MRC1: variants seen among roughly 807,000 people sequenced by gnomAD.
MRC1 encodes mannose receptor C-type 1.
MRC1 carries 62 observed loss-of-function variants against 102.9 expected under a neutral mutation model. The ratio of observed to expected loss-of-function variants is 0.60; its 90% confidence interval spans 0.49 to 0.74. The LOEUF (loss-of-function observed/expected upper bound fraction) is 0.74. Among genes scored for constraint, MRC1 ranks in the 30% least tolerant of loss-of-function variants. MRC1 has a pLI of 0.00. For synonymous variants in MRC1, 457 were observed against 298.4 expected (o/e 1.53, Z -5.48); for missense variants, 1,237 against 862.8 (o/e 1.43, Z -5.43).
intron 3 of MRC1, among the ~76,000 whole-genome samples, chr10:17,831,148 A>G (rs909060088): frequency 2.7e-5 from 4 of 150,224 alleles, no homozygotes; most frequent in African/African-American, 7.5e-5. Flanking sequence ...CGCCCACCTC[A>G]GACTCCAAAG....
chr10:17,825,073 TA>T (rs1468628646), intron 2 of MRC1, among the ~76,000 whole-genome samples: 3,961 of 152,168 alleles, frequency 0.026, 134 homozygotes, highest in East Asian at 0.18. Context: ...ACATTTTGCA[TA>T]CTCCCCAAAG....
chr10:17,845,138 A>G, intron 5 of MRC1, 151 bp from the exon 6 acceptor site: 1 of 779,340 alleles, frequency 1.3e-6, no homozygotes, highest in Non-Finnish European at 2.4e-6. Context: ...TTTGCTCTGC[A>G]GTCAGTAAAT....
chr10:17,866,720 G>T lies in MRC1; in HGVS notation c.1942G>T (p.Glu648Ter), dbSNP rs1487991468. The change falls in exon 12 of 30, where the codon GAG (glutamate) becomes TAG (stop). Residue 648 changes from glutamate (E) to a stop codon, truncating the protein, a stop_gained. Transcript: ENST00000569591. LOFTEE classifies it high-confidence loss of function. ...GACGACTCCCGAACCCAAATGTCCGGAGGATTGGGGCGCCAGCAGTAGAAC... is the reference window on the plus strand; with the variant it reads ...GACGACTCCCGAACCCAAATGTCCGTAGGATTGGGGCGCCAGCAGTAGAAC... ...PTTTPEPKCP[E>*]DWGASSRTSL... The T allele has an allele frequency of 1.3e-6, 1 of 780,736 alleles. No homozygotes were observed. Among genetic ancestry groups the T allele is most frequent in the Non-Finnish European group, 2.4e-6 (1 of 417,974 alleles). 48.4% of individuals were successfully genotyped at this position (780,736 alleles called of 1,614,324 possible). A position where few individuals can be genotyped will look rare whatever the true frequency, so the allele number is the denominator to read the frequency against.
At chr10:17,872,433 G>A (rs1426704221) in intron 15 of MRC1, among the ~76,000 whole-genome samples, 2 of 152,172 alleles carry the variant, frequency 1.3e-5, no homozygotes, top group African/African-American at 2.4e-5. Flanking sequence ...GTCCTATGCT[G>A]TCAACAGAAT....
intron 5 of MRC1, among the ~76,000 whole-genome samples, chr10:17,841,909 AT>A (rs1470130101): frequency 6.6e-6 from 1 of 152,130 alleles, no homozygotes; most frequent in Non-Finnish European, 1.5e-5. Flanking sequence ...TTTTAAAGCC[AT>A]TGAGTGGTTT....
chr10:17,895,280 C>A (rs1283867862), intron 23 of MRC1, among the ~76,000 whole-genome samples: 1 of 151,170 alleles, frequency 6.6e-6, no homozygotes, highest in Non-Finnish European at 1.5e-5. Flanking sequence ...TGCATAGCAA[C>A]AGGTTTGATT....
intron 9 of MRC1, among the ~76,000 whole-genome samples, chr10:17,859,827 A>G (rs1833155403): frequency 6.6e-6 from 1 of 152,206 alleles, no homozygotes; most frequent in Non-Finnish European, 1.5e-5. Context: ...TGGATAGCAT[A>G]AACTTGGAAC....
At chr10:17,838,810 C>T (rs1157041702) in intron 4 of MRC1, among the ~76,000 whole-genome samples, 1 of 151,724 alleles carries the variant, frequency 6.6e-6, no homozygotes, top group Admixed American at 6.6e-5. Context: ...CCCAACTGTA[C>T]AAAAAAAATT....
chr10:17,841,480 G>T (rs1390178920), intron 5 of MRC1, among the ~76,000 whole-genome samples: 5 of 152,164 alleles, frequency 3.3e-5, no homozygotes, highest in Non-Finnish European at 5.9e-5. Context: ...GAAAAACAGA[G>T]TTGGGGATGA....
At chr10:17,879,860 G>A in intron 19 of MRC1, 39 bp downstream of exon 19, 3 of 780,746 alleles carry the variant, frequency 3.8e-6, no homozygotes, top group Non-Finnish European at 7.2e-6. Context: ...TTTGTGGCGT[G>A]GCGTGTCATT....
intron 2 of MRC1, 133 bp from the exon 3 acceptor site, chr10:17,827,409 A>AAAAAAAAAACAC: frequency 3.4e-6 from 1 of 295,596 alleles, no homozygotes; most frequent in South Asian, 4.6e-5. Context: ...AAAAAAAAAA[A>AAAAAAAAAACAC]AGAAATCCCT....
intron 3 of MRC1, among the ~76,000 whole-genome samples, chr10:17,833,074 T>C (rs1838604017): frequency 7.5e-6 from 1 of 133,054 alleles, no homozygotes; most frequent in African/African-American, 2.8e-5. Flanking sequence ...TTTGTCTCAC[T>C]TCCCAACTCA....
At chr10:17,903,807 T>C (rs1035364188) in intron 26 of MRC1, among the ~76,000 whole-genome samples, 5 of 152,094 alleles carry the variant, frequency 3.3e-5, no homozygotes, top group African/African-American at 9.7e-5. Flanking sequence ...TAGTTCAAAA[T>C]TAGCCAAGCA....
At chr10:17,881,913 T>G (rs1348451553) in intron 21 of MRC1, among the ~76,000 whole-genome samples, 5 of 133,600 alleles carry the variant, frequency 3.7e-5, no homozygotes, top group African/African-American at 1.4e-4. Flanking sequence ...TAAACTCCCA[T>G]CTCAGCCTCC....
At chr10:17,893,004 A>C (rs1833701768) in intron 22 of MRC1, among the ~76,000 whole-genome samples, 1 of 115,056 alleles carries the variant, frequency 8.7e-6, no homozygotes, top group Non-Finnish European at 1.9e-5. Flanking sequence ...GCGAGACTCC[A>C]TCTAGGAAAA....
At position 17,885,314 on chromosome 10, in the gene MRC1, C is replaced by G. The variant is rs1385448175; in HGVS notation, c.3026C>G (p.Thr1009Ser). 6.4e-6 allele frequency: 5 copies of G among 780,776 alleles called. No homozygotes were observed. In the African/African-American group the frequency reaches 6.8e-5, roughly 11 times the overall value. The allele number at this position is 780,776 out of a possible 1,614,324, so 48.4% of individuals were successfully genotyped here. The change falls in exon 22 of 30, where the codon ACT becomes AGT. Residue 1009 changes from threonine (T) to serine (S), a missense_variant. Transcript: ENST00000569591. ...HMKDSTFSAWTGLNDVNSEHT... is the reference protein window; with the variant it reads ...HMKDSTFSAWSGLNDVNSEHT... ...AAGGACTCCACTTTCAGTGCCTGGA[C>G]TGGGCTGAATGATGTCAATTCAGAA...
chr10:17,907,561 C>T lies in MRC1; in HGVS notation c.3941C>T (p.Pro1314Leu), dbSNP rs1423749859. The change falls in exon 28 of 30, where the codon CCG becomes CTG. Residue 1314 changes from proline to leucine, a missense_variant. Coordinates refer to ENST00000569591, the MANE Select transcript of MRC1 (RefSeq NM_002438.4). ...ACGTGGCTGTGGATAAATAACAGTC[C>T]GGTCTCCTTTGTCAACTGGAACACA... The part of the protein sequence containing the change: ...EGTWLWINNS[P>L]VSFVNWNTGD... 5 of 780,636 alleles carry T rather than the reference C, an allele frequency of 6.4e-6. No homozygotes were observed. The highest frequency in any genetic ancestry group is 2.7e-5 in the South Asian group (2 of 74,610). 48.4% of individuals were successfully genotyped at this position (780,636 alleles called of 1,614,324 possible). A position where few individuals can be genotyped will look rare whatever the true frequency, so the allele number is the denominator to read the frequency against.
At chr10:17,850,256 G>GTTT (rs71507247) in intron 7 of MRC1, among the ~76,000 whole-genome samples, 12 of 131,522 alleles carry the variant, frequency 9.1e-5, no homozygotes, top group African/African-American at 2.0e-4. Context: ...AAATATAGGA[G>GTTT]TTTTTTTTTT....
At chr10:17,869,556 C>T (rs1032311263) in intron 12 of MRC1, among the ~76,000 whole-genome samples, 44 of 152,160 alleles carry the variant, frequency 2.9e-4, no homozygotes, top group Non-Finnish European at 3.5e-4. Flanking sequence ...TGTCCCAGAC[C>T]GTCACTGTTG....
Sources: gnomAD v4.1 joint callset for allele counts (sites outside exome capture counted in the v4.1 genomes callset) on GRCh38, gnomAD v4.1.1 for gene constraint, MANE v1.5 for transcripts, NCBI Gene and HGNC (gene_info 2026-07-23, HGNC 2026-07-21) for gene names.